KCNB2: variants seen among roughly 807,000 people sequenced by gnomAD.
KCNB2 encodes the protein potassium voltage-gated channel subfamily B member 2, also known as delayed rectifier potassium channel protein.
In KCNB2, 15 loss-of-function variants were observed where a neutral mutation model predicts 61.5. The ratio of observed to expected loss-of-function variants is 0.24; its 90% confidence interval spans 0.16 to 0.38. KCNB2 has a LOEUF of 0.38. Among genes scored for constraint, KCNB2 ranks in the 10% least tolerant of loss-of-function variants. The probability of loss-of-function intolerance (pLI) is 1.00; values close to 1 mark genes in which losing one functional copy is unlikely to be tolerated. For synonymous variants in KCNB2, 457 were observed against 446.0 expected, an observed-to-expected ratio of 1.02 and a Z score of -0.31; for missense variants, 828 against 1,125.2, an observed-to-expected ratio of 0.74 and a Z score of 3.78.
chr8:72,576,400 G>A (rs963962791), intron 2 of KCNB2, among the ~76,000 whole-genome samples: 1 of 152,094 alleles, frequency 6.6e-6, no homozygotes, highest in Admixed American at 6.6e-5. Flanking sequence ...ACTAGCTCTC[G>A]TTATATGTTA....
chr8:72,782,408 C>G (rs1010855549), intron 2 of KCNB2, among the ~76,000 whole-genome samples: 1 of 152,152 alleles, frequency 6.6e-6, no homozygotes, highest in Admixed American at 6.6e-5. Context: ...ACTCTCTCCC[C>G]TCTATGAAAC....
chr8:72,620,863 C>T (rs921526216), intron 2 of KCNB2, among the ~76,000 whole-genome samples: 1 of 152,166 alleles, frequency 6.6e-6, no homozygotes, highest in African/African-American at 2.4e-5. Context: ...CCGCCTCGGC[C>T]TCCCAAAGTG....
At chr8:72,860,239 T>G (rs1010573622) in intron 2 of KCNB2, among the ~76,000 whole-genome samples, 1 of 151,970 alleles carries the variant, frequency 6.6e-6, no homozygotes. Context: ...CTGTTTCACC[T>G]TTTGAGGAAC....
At chr8:72,842,440 T>G (rs1809909124) in intron 2 of KCNB2, among the ~76,000 whole-genome samples, 1 of 152,254 alleles carries the variant, frequency 6.6e-6, no homozygotes. Flanking sequence ...AGGATGATGC[T>G]GGCCTCATAA....
At chr8:72,670,069 A>G (rs1277411456) in intron 2 of KCNB2, among the ~76,000 whole-genome samples, 1 of 152,194 alleles carries the variant, frequency 6.6e-6, no homozygotes, top group African/African-American at 2.4e-5. Context: ...TAGCATAAGG[A>G]CATTGAACAA....
intron 2 of KCNB2, among the ~76,000 whole-genome samples, chr8:72,818,069 A>G (rs951360950): frequency 3.9e-5 from 6 of 152,146 alleles, no homozygotes; most frequent in Non-Finnish European, 8.8e-5. Flanking sequence ...GATTTACCCA[A>G]TAGGATTTCA....
chr8:72,718,109 A>G (rs971786297), intron 2 of KCNB2, among the ~76,000 whole-genome samples: 23 of 152,162 alleles, frequency 1.5e-4, no homozygotes, highest in African/African-American at 5.1e-4. Flanking sequence ...CAAAACCACA[A>G]TGAGATACTA....
chr8:72,921,960 TA>T (rs1806529610), intron 2 of KCNB2, among the ~76,000 whole-genome samples: 1 of 152,210 alleles, frequency 6.6e-6, no homozygotes, highest in Non-Finnish European at 1.5e-5. Context: ...TATCTCTCAT[TA>T]AAGTCTGGAC....
intron 2 of KCNB2, among the ~76,000 whole-genome samples, chr8:72,906,240 C>A (rs1206165288): frequency 1.3e-5 from 2 of 152,266 alleles, no homozygotes; most frequent in Non-Finnish European, 1.5e-5. Context: ...CAATTCATTT[C>A]TGATGGTTTA....
intron 2 of KCNB2, among the ~76,000 whole-genome samples, chr8:72,803,426 G>C (rs1215728670): frequency 6.6e-6 from 1 of 152,114 alleles, no homozygotes; most frequent in African/African-American, 2.4e-5. Flanking sequence ...AGTCACTCTA[G>C]AAAACTAGGA....
chr8:72,823,080 A>G (rs1011665770), intron 2 of KCNB2, among the ~76,000 whole-genome samples: 13 of 152,194 alleles, frequency 8.5e-5, no homozygotes, highest in African/African-American at 3.1e-4. Flanking sequence ...TGTCAAATTA[A>G]TGAGCACTCC....
At chr8:72,858,738 A>C (rs1214063439) in intron 2 of KCNB2, among the ~76,000 whole-genome samples, 3 of 152,232 alleles carry the variant, frequency 2.0e-5, no homozygotes, top group African/African-American at 7.2e-5. Flanking sequence ...ACCTGCCATC[A>C]TTGCCAGTGG....
chr8:72,641,591 A>G (rs117318669), intron 2 of KCNB2, among the ~76,000 whole-genome samples: 619 of 152,200 alleles, frequency 4.1e-3, no homozygotes, highest in Non-Finnish European at 6.8e-3. Context: ...AGATAAACCA[A>G]TGAAACTAGA....
chr8:72,558,947 C>T (rs1466618565), intron 1 of KCNB2, among the ~76,000 whole-genome samples: 1 of 151,866 alleles, frequency 6.6e-6, no homozygotes, highest in Non-Finnish European at 1.5e-5. Context: ...AGTACAAATT[C>T]CCTGTTCCCT....
intron 2 of KCNB2, among the ~76,000 whole-genome samples, chr8:72,869,038 G>A (rs749273420): frequency 1.3e-5 from 2 of 152,156 alleles, no homozygotes; most frequent in Non-Finnish European, 2.9e-5. Flanking sequence ...AGAAATTGGT[G>A]CCAGACCCCA....
chr8:72,633,072 T>C (rs968586273), intron 2 of KCNB2, among the ~76,000 whole-genome samples: 1 of 152,102 alleles, frequency 6.6e-6, no homozygotes, highest in African/African-American at 2.4e-5. Context: ...CAAACTGAAG[T>C]CAAGATGGCA....
chr8:72,569,141 A>G (rs1806672165), intron 2 of KCNB2, among the ~76,000 whole-genome samples: 1 of 152,130 alleles, frequency 6.6e-6, no homozygotes, highest in African/African-American at 2.4e-5. Flanking sequence ...TTTTCACTCC[A>G]TATATTTAGT....
At chr8:72,629,545 G>A (rs973451656) in intron 2 of KCNB2, among the ~76,000 whole-genome samples, 2 of 152,180 alleles carry the variant, frequency 1.3e-5, no homozygotes, top group African/African-American at 2.4e-5. Context: ...CATGATGACT[G>A]GCGTGGCTGG....
chr8:72,833,814 A>C (rs146429417), intron 2 of KCNB2, among the ~76,000 whole-genome samples: 65 of 152,282 alleles, frequency 4.3e-4, no homozygotes, highest in African/African-American at 1.5e-3. Flanking sequence ...AAGTCATAAG[A>C]AGGCCTGTCA....
Sources: allele counts gnomAD v4.1 joint callset (sites outside exome capture counted in the v4.1 genomes callset), GRCh38; gene constraint gnomAD v4.1.1; transcripts MANE v1.5; gene names NCBI Gene and HGNC (gene_info 2026-07-23, HGNC 2026-07-21).